Variants in MALRD1 observed in about 807,000 individuals in gnomAD.
MALRD1 encodes the protein MAM and LDL-receptor class A domain-containing protein 1.
MALRD1 carries 247 observed loss-of-function variants against 242.1 expected under a neutral mutation model. That is an observed-to-expected ratio of 1.02 (90% confidence interval 0.92 to 1.13). MALRD1 has a LOEUF of 1.13. Ranked by LOEUF, MALRD1 falls within the 50% of genes most tolerant of loss-of-function variation. The pLI, the probability that MALRD1 is intolerant of heterozygous loss-of-function variation, is 0.00. For synonymous variants in MALRD1, 995 were observed against 866.6 expected, an observed-to-expected ratio of 1.15 and a Z score of -2.60; for missense variants, 2,989 against 2,533.1, an observed-to-expected ratio of 1.18 and a Z score of -3.86.
chr10:19,710,526 C>T (rs1256194596), intron 38 of MALRD1: 1 of 151,664 alleles, frequency 6.6e-6, no homozygotes, highest in African/African-American at 2.4e-5. Flanking sequence ...ATGCACACTT[C>T]TTTGGTGTGT....
intron 28 of MALRD1, among the ~76,000 whole-genome samples, chr10:19,446,284 A>G (rs1273267490): frequency 2.0e-5 from 3 of 152,106 alleles, no homozygotes; most frequent in Non-Finnish European, 2.9e-5. Context: ...TGTGGGCTGC[A>G]CCCACTGTCC....
chr10:19,717,026 T>C (rs985961468), intron 38 of MALRD1: 2 of 152,242 alleles, frequency 1.3e-5, no homozygotes, highest in Non-Finnish European at 2.9e-5. Flanking sequence ...TCTTTGGATG[T>C]TTCAAGTTTC....
At chr10:19,414,796 G>A (rs997193156) in intron 28 of MALRD1, among the ~76,000 whole-genome samples, 4 of 150,044 alleles carry the variant, frequency 2.7e-5, no homozygotes, top group African/African-American at 9.6e-5. Context: ...CTGGACACCA[G>A]GCTAGCAATT....
At position 19,065,251 on chromosome 10, in the gene MALRD1, G is replaced by T. The variant is rs190442834; in HGVS notation, c.200-1468G>T. 8.8e-4 allele frequency among the ~76,000 whole-genome samples: 108 copies of T among 122,764 alleles called. No homozygotes were observed. In the Admixed American group the frequency reaches 9.4e-3, roughly 11 times the overall value. The allele number at this position is 122,764 out of a possible 152,430, so 80.5% of individuals were successfully genotyped here. A position where few individuals can be genotyped will look rare whatever the true frequency, so the allele number is the denominator to read the frequency against. ...GTGGTGAGCCAAGATCGTGCCATTGGACTCCAGCCTGGGCAACAAGAGCAA... is the reference window on the plus strand; with the variant it reads ...GTGGTGAGCCAAGATCGTGCCATTGTACTCCAGCCTGGGCAACAAGAGCAA... On this transcript the variant is annotated intron_variant, in intron 1 of 39. Coordinates refer to ENST00000454679, the MANE Select transcript of MALRD1 (RefSeq NM_001142308.3).
Position 19,308,136 on chromosome 10 carries a change from A to AT in MALRD1, c.3420-15805dup, listed in dbSNP as rs201665479. On this transcript the variant is annotated intron_variant, in intron 21 of 39. Transcript: ENST00000454679. ...GTAGTAGGTATTATTGTTTCTTTCT[A>AT]TTTTTTTTATACTCATTAACTATCC... Among the ~76,000 whole-genome samples the AT allele has an allele frequency of 7.9e-3, 1,188 of 151,042 alleles. 19 individuals carry two copies. The highest frequency in any genetic ancestry group is 0.028 in the African/African-American group (1,150 of 41,272).
At chr10:19,061,629 TA>T (rs1834824838) in intron 1 of MALRD1, among the ~76,000 whole-genome samples, 1 of 152,044 alleles carries the variant, frequency 6.6e-6, no homozygotes, top group African/African-American at 2.4e-5. Context: ...AGCCCAGAAA[TA>T]AACCTTCAAA....
chr10:19,615,958 T>G (rs933898662), intron 36 of MALRD1, 35 bp downstream of exon 36: 1 of 1,469,150 alleles, frequency 6.8e-7, no homozygotes, highest in African/African-American at 1.4e-5. Context: ...TTTTTAAGAT[T>G]TTTTGGAGTT....
Position 19,364,840 on chromosome 10 carries a change from C to G in MALRD1, c.4441+12543C>G, listed in dbSNP as rs1845041862. Among the ~76,000 whole-genome samples, 4 of 152,042 alleles carry G rather than the reference C, an allele frequency of 2.6e-5. No individual in the cohort carries two copies. The South Asian group carries it at 6.2e-4, about 24-fold the overall frequency. ...GTTTAAAATAATTTAATTTTTAACT[C>G]TATCATTGTTCCAAGAAAATGTCCT... On this transcript the variant is annotated intron_variant, in intron 26 of 39. Transcript: ENST00000454679.
intron 18 of MALRD1, among the ~76,000 whole-genome samples, chr10:19,219,252 T>C (rs1439997537): frequency 5.3e-5 from 8 of 152,134 alleles, no homozygotes; most frequent in Admixed American, 4.6e-4. Flanking sequence ...TTCTGGAATG[T>C]GGTTGTTGCA....
chr10:19,384,390 A>G (rs1481887917), intron 26 of MALRD1, among the ~76,000 whole-genome samples: 1 of 95,766 alleles, frequency 1.0e-5, no homozygotes, highest in Admixed American at 1.5e-4. Flanking sequence ...TTTACTATAT[A>G]TTATATATTA....
At chr10:19,601,214 G>T (rs1838325564) in intron 34 of MALRD1, among the ~76,000 whole-genome samples, 1 of 151,974 alleles carries the variant, frequency 6.6e-6, no homozygotes, top group Admixed American at 6.6e-5. Context: ...AAAATATAAT[G>T]TCTGAAAGAG....
chr10:19,216,143 C>T (rs747763188), intron 18 of MALRD1, among the ~76,000 whole-genome samples: 11 of 124,872 alleles, frequency 8.8e-5, no homozygotes, highest in African/African-American at 2.7e-4. Flanking sequence ...TTTGAGACAG[C>T]GTCTTTCTCT....
intron 31 of MALRD1, among the ~76,000 whole-genome samples, chr10:19,512,810 G>T (rs1833463200): frequency 6.6e-6 from 1 of 152,028 alleles, no homozygotes; most frequent in East Asian, 1.9e-4. Context: ...TTTTAGACTA[G>T]TCACTCCAAG....
intron 21 of MALRD1, among the ~76,000 whole-genome samples, chr10:19,322,850 A>G (rs1338232352): frequency 2.0e-5 from 3 of 152,238 alleles, no homozygotes; most frequent in African/African-American, 7.2e-5. Context: ...AGTTTCTAGC[A>G]TCTATATTTA....
chr10:19,407,752 G>A (rs1189161442), intron 28 of MALRD1, among the ~76,000 whole-genome samples: 1 of 152,170 alleles, frequency 6.6e-6, no homozygotes, highest in East Asian at 1.9e-4. Flanking sequence ...ACTTTTGGCA[G>A]TAGTATAAAT....
chr10:19,493,289 G>A (rs183122653), intron 30 of MALRD1: 2 of 152,032 alleles, frequency 1.3e-5, no homozygotes, highest in East Asian at 1.9e-4. Context: ...TGACTGGCTT[G>A]TGTCACTTAC....
intron 33 of MALRD1, among the ~76,000 whole-genome samples, chr10:19,586,188 G>A (rs1028010452): frequency 2.8e-4 from 42 of 152,096 alleles, no homozygotes; most frequent in Admixed American, 1.3e-3. Context: ...CCCATAGCTC[G>A]GAATAATTTG....
At chr10:19,365,250 T>G (rs1187867119) in intron 26 of MALRD1, among the ~76,000 whole-genome samples, 1 of 152,156 alleles carries the variant, frequency 6.6e-6, no homozygotes, top group Non-Finnish European at 1.5e-5. Context: ...TCAGATTATT[T>G]TCTTCATTCC....
intron 33 of MALRD1, among the ~76,000 whole-genome samples, chr10:19,579,532 TGTGA>T (rs1374097856): frequency 6.6e-6 from 1 of 152,220 alleles, no homozygotes; most frequent in East Asian, 1.9e-4. Context: ...TCATAATTTC[TGTGA>T]GTAACAGCTT....
Sources: allele counts gnomAD v4.1 joint callset (sites outside exome capture counted in the v4.1 genomes callset), GRCh38; gene constraint gnomAD v4.1.1; transcripts MANE v1.5; gene names NCBI Gene and HGNC (gene_info 2026-07-23, HGNC 2026-07-21).